AP3S2: variants seen among roughly 807,000 people sequenced by gnomAD.
AP3S2 encodes the protein AP-3 complex subunit sigma-2.
A neutral mutation model predicts 23.4 loss-of-function variants in AP3S2; 22 were observed. The observed-to-expected ratio is 0.94, with a 90% CI of 0.67 to 1.34. The LOEUF (loss-of-function observed/expected upper bound fraction) is 1.34. Among genes scored for constraint, AP3S2 ranks in the 40% most tolerant of loss-of-function variants. The probability of loss-of-function intolerance (pLI) is 0.00; values close to 1 mark genes in which losing one functional copy is unlikely to be tolerated. For missense variants in AP3S2, 241 were observed against 236.9 expected (o/e 1.02, Z -0.11); for synonymous variants, 86 against 87.1 (o/e 0.99, Z 0.07).
chr15:89,865,985 C>T (rs1175486613), intron 4 of AP3S2, among the ~76,000 whole-genome samples: 1 of 151,990 alleles, frequency 6.6e-6, no homozygotes, highest in Non-Finnish European at 1.5e-5. Context: ...AGGCTGGGCG[C>T]GGTGGCTCAC....
chr15:89,868,097 C>A (rs1217071734), intron 4 of AP3S2, among the ~76,000 whole-genome samples: 1 of 120,526 alleles, frequency 8.3e-6, no homozygotes, highest in Non-Finnish European at 1.8e-5. Flanking sequence ...GGCCAGCCAC[C>A]CCGTCCGGGA....
chr15:89,835,737 A>T (rs1895175735), intron 5 of AP3S2, 94 bp from the exon 6 acceptor site: 8 of 1,482,640 alleles, frequency 5.4e-6, no homozygotes, highest in Non-Finnish European at 7.1e-6. Flanking sequence ...AAACAAAAAC[A>T]AACAAGCAGG....
At chr15:89,868,023 T>A (rs1262073756) in intron 4 of AP3S2, among the ~76,000 whole-genome samples, 8 of 133,896 alleles carry the variant, frequency 6.0e-5, no homozygotes, top group African/African-American at 2.3e-4. Context: ...AGCCGCCCCG[T>A]CCAGGAGGTG....
Position 89,850,495 on chromosome 15 carries a change from G to A in AP3S2, c.346-12773C>T, listed in dbSNP as rs916136958. 4 of 152,326 alleles carry A rather than the reference G, an allele frequency of 2.6e-5. No individual in the cohort carries two copies. The East Asian group carries it at 7.7e-4, about 29-fold the overall frequency. The allele number at this position is 152,326 out of a possible 1,614,324, so 9.4% of individuals were successfully genotyped here. On this transcript the variant is annotated intron_variant, in intron 4 of 5. Transcript: ENST00000336418. ...ATGAGCACAGGCACATGAGAGCAGA[G>A]GCAAAGAAGAGCAGATTCAAATCTT...
At chr15:89,844,074 T>TA (rs991590477) in intron 4 of AP3S2, among the ~76,000 whole-genome samples, 1 of 152,152 alleles carries the variant, frequency 6.6e-6, no homozygotes, top group Non-Finnish European at 1.5e-5. Context: ...ACTAAAGTAA[T>TA]AAAGATATGG....
intron 4 of AP3S2, among the ~76,000 whole-genome samples, chr15:89,867,846 C>T (rs1896178093): frequency 7.7e-6 from 1 of 129,188 alleles, no homozygotes; most frequent in South Asian, 2.7e-4. Context: ...TGAGGAGCCT[C>T]TCCGCCCGGC....
chr15:89,870,410 G>T (rs760194447), intron 4 of AP3S2, among the ~76,000 whole-genome samples: 1 of 152,118 alleles, frequency 6.6e-6, no homozygotes, highest in Non-Finnish European at 1.5e-5. Flanking sequence ...AAGGAAAAGG[G>T]TTCCATGATG....
chr15:89,884,771 C>T (rs1253333857), intron 3 of AP3S2, among the ~76,000 whole-genome samples: 4 of 151,956 alleles, frequency 2.6e-5, no homozygotes, highest in Non-Finnish European at 4.4e-5. Context: ...CTCAGCCTCC[C>T]GTGTAGCTGG....
At chr15:89,840,550 C>G (rs1895303279) in intron 4 of AP3S2, among the ~76,000 whole-genome samples, 1 of 152,110 alleles carries the variant, frequency 6.6e-6, no homozygotes, top group South Asian at 2.1e-4. Context: ...AACTCAGCCT[C>G]CTGAGTAGCT....
Position 89,893,945 on chromosome 15 carries a change from A to G in AP3S2, c.5T>C (p.Ile2Thr), listed in dbSNP as rs1399963383. 5.8e-6 allele frequency: 9 copies of G among 1,551,548 alleles called. No homozygotes were observed. Among genetic ancestry groups the G allele is most frequent in the Non-Finnish European group, 7.8e-6 (9 of 1,146,976 alleles). The change falls in exon 1 of 6, where the codon ATT becomes ACT. Residue 2 changes from isoleucine to threonine, a missense_variant. Coordinates refer to ENST00000336418, the MANE Select transcript of AP3S2 (RefSeq NM_005829.5). The stretch of plus-strand genomic sequence containing the variant: ...GTTGTTGAAAACCAGAATCGCCTGA[A>G]TCATCTTTGCCAGCCACGGTTCTCT... MIQAILVFNNHG... is the reference protein window; with the variant it reads MTQAILVFNNHG...
At chr15:89,852,070 C>T (rs969074452) in intron 4 of AP3S2, among the ~76,000 whole-genome samples, 13 of 151,662 alleles carry the variant, frequency 8.6e-5, no homozygotes, top group Non-Finnish European at 1.0e-4. Context: ...GTAGAGGGAG[C>T]GGGTCCATAA....
At chr15:89,889,471 A>T (rs1300734446) in intron 1 of AP3S2, 3 of 236,490 alleles carry the variant, frequency 1.3e-5, no homozygotes, top group Non-Finnish European at 2.5e-5. Context: ...GGAAGGCCTG[A>T]TCCTGAAATA....
intron 3 of AP3S2, among the ~76,000 whole-genome samples, chr15:89,873,176 G>T (rs1039045266): frequency 5.3e-5 from 8 of 151,942 alleles, no homozygotes; most frequent in Admixed American, 4.6e-4. Flanking sequence ...AAGTCCTTCA[G>T]TTCTGGGAAA....
At position 89,834,920 on chromosome 15, in the gene AP3S2, A is replaced by G. The variant is rs1895153703; in HGVS notation, c.*595T>C. 1 of 152,298 alleles carries G rather than the reference A, an allele frequency of 6.6e-6. No homozygotes were observed. Among genetic ancestry groups the G allele is most frequent in the South Asian group, 2.1e-4 (1 of 4,832 alleles). The allele number at this position is 152,298 out of a possible 1,614,324, so 9.4% of individuals were successfully genotyped here. A position where few individuals can be genotyped will look rare whatever the true frequency, so the allele number is the denominator to read the frequency against. The stretch of plus-strand genomic sequence containing the variant: ...ACCTCAAAAAAAAAAAACCACAAAA[A>G]AACACAAAAGGATTCTGGGTGTAAC... On this transcript the variant is annotated 3_prime_UTR_variant, in exon 6 of 6. Transcript: ENST00000336418.
intron 3 of AP3S2, among the ~76,000 whole-genome samples, chr15:89,880,606 G>A (rs528933182): frequency 5.3e-5 from 8 of 151,632 alleles, no homozygotes; most frequent in Admixed American, 3.3e-4. Flanking sequence ...CCCAGGAGGC[G>A]GAGGTTGCAG....
chr15:89,832,485 T>TA lies in AP3S2; in HGVS notation c.*3029dup, dbSNP rs1491355600. 2.2e-5 allele frequency: 2 copies of TA among 91,554 alleles called. No individual in the cohort carries two copies. Among genetic ancestry groups the TA allele is most frequent in the Non-Finnish European group, 4.2e-5 (2 of 47,792 alleles). 5.7% of individuals were successfully genotyped at this position (91,554 alleles called of 1,614,324 possible). A position where few individuals can be genotyped will look rare whatever the true frequency, so the allele number is the denominator to read the frequency against. ...CCTAGTATTCTATACAACCTTAACCTATTTTTTTTTTTTTTTTTTTTGAGA... is the reference window on the plus strand; with the variant it reads ...CCTAGTATTCTATACAACCTTAACCTAATTTTTTTTTTTTTTTTTTTTGAGA... On this transcript the variant is annotated 3_prime_UTR_variant, in exon 6 of 6. Transcript: ENST00000336418.
At chr15:89,869,712 T>C (rs1393121740) in intron 4 of AP3S2, among the ~76,000 whole-genome samples, 3 of 152,000 alleles carry the variant, frequency 2.0e-5, no homozygotes, top group African/African-American at 7.2e-5. Flanking sequence ...CTTTGCACAC[T>C]AGGTGGTAAC....
At chr15:89,867,961 G>A (rs1298227944) in intron 4 of AP3S2, among the ~76,000 whole-genome samples, 1 of 148,892 alleles carries the variant, frequency 6.7e-6, no homozygotes, top group Non-Finnish European at 1.5e-5. Context: ...GCCCCATCCG[G>A]CCAGCCGTGC....
Position 89,864,778 on chromosome 15 carries a change from T to C in AP3S2, c.345+6697A>G, listed in dbSNP as rs112314211. ...GCTGTTCTCAAACTCCTGACCTAAGTTGACCCACTCGCCTCAGCCTCCCAA... is the reference window on the plus strand; with the variant it reads ...GCTGTTCTCAAACTCCTGACCTAAGCTGACCCACTCGCCTCAGCCTCCCAA... On this transcript the variant is annotated intron_variant, in intron 4 of 5. Coordinates refer to ENST00000336418, the MANE Select transcript of AP3S2 (RefSeq NM_005829.5). 4.1e-3 allele frequency among the ~76,000 whole-genome samples: 630 copies of C among 152,176 alleles called. 8 individuals are homozygous for C. Among genetic ancestry groups the C allele is most frequent in the African/African-American group, 0.013 (560 of 41,512 alleles).
Sources: allele counts gnomAD v4.1 joint callset (sites outside exome capture counted in the v4.1 genomes callset), GRCh38; gene constraint gnomAD v4.1.1; transcripts MANE v1.5; gene names NCBI Gene and HGNC (gene_info 2026-07-23, HGNC 2026-07-21).